The following MSI2 variants were observed in gnomAD, a reference collection of about 807,000 sequenced individuals.
MSI2 encodes the protein RNA-binding protein Musashi homolog 2.
Under a neutral mutation model 45.6 loss-of-function variants are expected in MSI2, and 17 were observed. The ratio of observed to expected loss-of-function variants is 0.37; its 90% CI spans 0.26 to 0.56. MSI2 has a LOEUF of 0.56. Among genes scored for constraint, MSI2 ranks in the 20% least tolerant of loss-of-function variants. MSI2 has a pLI of 0.77. For missense variants in MSI2, 293 were observed against 444.2 expected (o/e 0.66, Z 3.06); for synonymous variants, 156 against 158.2 (o/e 0.99, Z 0.11).
At chr17:57,553,571 C>T (rs1193564490) in intron 7 of MSI2, among the ~76,000 whole-genome samples, 2 of 152,180 alleles carry the variant, frequency 1.3e-5, no homozygotes, top group African/African-American at 2.4e-5. Flanking sequence ...GGGGAGCTTT[C>T]CTGAGCAGCT....
In MSI2 at chr17:57,552,148, C is replaced by G. The variant is rs2087321382; in HGVS notation, c.454+22424C>G. 1.3e-5 allele frequency among the ~76,000 whole-genome samples: 2 copies of G among 152,328 alleles called. No homozygotes were observed. The highest frequency in any genetic ancestry group is 3.9e-4 in the East Asian group (2 of 5,184). On this transcript the variant is annotated intron_variant, in intron 7 of 13. Coordinates refer to ENST00000284073, the MANE Select transcript of MSI2 (RefSeq NM_138962.4). This position sits in a 1 kb window ranked among gnomAD's most constrained non-coding sequence, Gnocchi z 4.3. Reference sequence around the variant, plus strand: ...CCCCAGGACTGGCCACACACCAGGGCTCTGTCCCCCGACTTCCTCACTAGA... The same window carrying G: ...CCCCAGGACTGGCCACACACCAGGGGTCTGTCCCCCGACTTCCTCACTAGA...
In MSI2 at chr17:57,348,090, G is replaced by A. The variant is rs771842268; in HGVS notation, c.313-53289G>A. Reference sequence around the variant, plus strand: ...GCATTAGAAGGGGAGAGAAGGTGACGTGGCTGTAGGAAGACTCTACTCTGC... The same window carrying A: ...GCATTAGAAGGGGAGAGAAGGTGACATGGCTGTAGGAAGACTCTACTCTGC... On this transcript the variant is annotated intron_variant, in intron 5 of 13. Coordinates refer to ENST00000284073, the MANE Select transcript of MSI2 (RefSeq NM_138962.4). Among the ~76,000 whole-genome samples the A allele has an allele frequency of 9.2e-5, 14 of 152,342 alleles. No individual in the cohort carries two copies. The East Asian group carries it at 1.2e-3, about 13-fold the overall frequency.
intron 6 of MSI2, chr17:57,449,551 C>G (rs572447380): frequency 6.6e-6 from 1 of 152,060 alleles, no homozygotes; most frequent in Non-Finnish European, 1.5e-5. Context: ...AAGGCTTGAT[C>G]GTAGACACAT....
intron 6 of MSI2, among the ~76,000 whole-genome samples, chr17:57,436,863 G>C (rs2084700237): frequency 6.6e-6 from 1 of 152,136 alleles, no homozygotes; most frequent in African/African-American, 2.4e-5. Context: ...ACAGTACTCT[G>C]GTTTTAGAGA....
chr17:57,627,949 T>A lies in MSI2; in HGVS notation c.727+646T>A, dbSNP rs1908965492. Reference sequence around the variant, plus strand: ...TGCTCCAGCTCCAACTCCAGGTAGCTGGCAGGCCTGGGACCTCACCTGGGA... The same window carrying A: ...TGCTCCAGCTCCAACTCCAGGTAGCAGGCAGGCCTGGGACCTCACCTGGGA... On this transcript the variant is annotated intron_variant, in intron 10 of 13. Transcript: ENST00000284073. This position sits in a 1 kb window ranked among gnomAD's most constrained non-coding sequence, Gnocchi z 4.6. 1 of 153,160 alleles carries A rather than the reference T, an allele frequency of 6.5e-6. No homozygotes were observed. The allele number at this position is 153,160 out of a possible 1,614,324, so 9.5% of individuals were successfully genotyped here.
intron 6 of MSI2, among the ~76,000 whole-genome samples, chr17:57,441,551 G>T (rs1259772393): frequency 1.3e-5 from 2 of 152,180 alleles, no homozygotes; most frequent in African/African-American, 4.8e-5. Flanking sequence ...CAATAATGTT[G>T]TAAATCTCTG....
rs55688182 is a variant in MSI2 at position 57,396,413 on chromosome 17, C to CCACACACACACA, written c.313-4955_313-4944dup. On this transcript the variant is annotated intron_variant, in intron 5 of 13. Coordinates refer to ENST00000284073, the MANE Select transcript of MSI2 (RefSeq NM_138962.4). ...ACACAAAACACACACAGCACACACA[C>CCACACACACACA]CACACACACACACACACACACATCC... is the stretch of plus-strand genomic sequence containing the variant. 3.6e-3 allele frequency among the ~76,000 whole-genome samples: 540 copies of CCACACACACACA among 150,180 alleles called. 3 individuals are homozygous for CCACACACACACA. The highest frequency in any genetic ancestry group is 0.013 in the African/African-American group (514 of 40,946).
chr17:57,318,514 G>A (rs754435042), intron 5 of MSI2, among the ~76,000 whole-genome samples: 4 of 152,050 alleles, frequency 2.6e-5, no homozygotes, highest in Non-Finnish European at 4.4e-5. Context: ...TATCACAGAG[G>A]ACTGGGAATG....
In MSI2 at chr17:57,317,506, C is replaced by CTTT. The variant is rs921448429; in HGVS notation, c.312+55334_312+55336dup. 5.7e-3 allele frequency among the ~76,000 whole-genome samples: 536 copies of CTTT among 94,532 alleles called. 1 individual carries two copies. Among genetic ancestry groups the CTTT allele is most frequent in the Non-Finnish European group, 8.4e-3 (418 of 49,484 alleles). The allele number at this position is 94,532 out of a possible 152,430, so 62.0% of individuals were successfully genotyped here. ...CACTCTATCCCATGTTATAGTTTTG[C>CTTT]TTTTTTTTTTTTTTTTTTTTTTGAG... is the stretch of plus-strand genomic sequence containing the variant. On this transcript the variant is annotated intron_variant, in intron 5 of 13. Transcript: ENST00000284073.
intron 7 of MSI2, among the ~76,000 whole-genome samples, chr17:57,546,817 G>A (rs1051508940): frequency 6.6e-6 from 1 of 152,198 alleles, no homozygotes; most frequent in Non-Finnish European, 1.5e-5. Flanking sequence ...TCATGCTCTT[G>A]TCCCACGGCC....
At chr17:57,283,254 C>G (rs1909582112) in intron 5 of MSI2, among the ~76,000 whole-genome samples, 1 of 152,114 alleles carries the variant, frequency 6.6e-6, no homozygotes, top group Non-Finnish European at 1.5e-5. Context: ...CGTAAAGTCT[C>G]TGGAGTGAGT....
intron 6 of MSI2, among the ~76,000 whole-genome samples, chr17:57,470,350 T>TTAC (rs1310612308): frequency 6.6e-6 from 1 of 152,194 alleles, no homozygotes; most frequent in East Asian, 1.9e-4. Flanking sequence ...TGATCTCAGC[T>TTAC]TACTGCAGCC....
At chr17:57,607,336 C>T (rs190883369) in intron 8 of MSI2, among the ~76,000 whole-genome samples, 2 of 152,340 alleles carry the variant, frequency 1.3e-5, no homozygotes, top group Admixed American at 6.5e-5. Context: ...TTATAACATG[C>T]ATGTGTCCTG....
At chr17:57,395,546 G>A (rs1279789927) in intron 5 of MSI2, among the ~76,000 whole-genome samples, 5 of 152,150 alleles carry the variant, frequency 3.3e-5, no homozygotes, top group African/African-American at 1.2e-4. Flanking sequence ...ATTGGCAGTT[G>A]TGAGGGTGAG....
chr17:57,321,256 G>A (rs746804174), intron 5 of MSI2, among the ~76,000 whole-genome samples: 5 of 151,854 alleles, frequency 3.3e-5, no homozygotes, highest in East Asian at 1.9e-4. Context: ...TCTCCCGCCC[G>A]CGGCTTCCAG....
intron 6 of MSI2, among the ~76,000 whole-genome samples, chr17:57,430,323 T>G (rs2084571106): frequency 6.6e-6 from 1 of 152,234 alleles, no homozygotes; most frequent in Non-Finnish European, 1.5e-5. Context: ...ATAAACATTT[T>G]TTTTTTCCAG....
intron 6 of MSI2, among the ~76,000 whole-genome samples, chr17:57,519,361 T>TTCCTA (rs1185904374): frequency 6.6e-6 from 1 of 152,134 alleles, no homozygotes; most frequent in Non-Finnish European, 1.5e-5. Flanking sequence ...GCTCACTGGC[T>TTCCTA]ACCACATGAG....
chr17:57,605,181 T>G (rs1906408944), intron 8 of MSI2, among the ~76,000 whole-genome samples: 1 of 152,154 alleles, frequency 6.6e-6, no homozygotes, highest in African/African-American at 2.4e-5. Flanking sequence ...GGTGTTTACG[T>G]GGGAGAGGGA....
intron 6 of MSI2, among the ~76,000 whole-genome samples, chr17:57,457,329 G>A (rs2085135325): frequency 6.6e-6 from 1 of 152,150 alleles, no homozygotes; most frequent in African/African-American, 2.4e-5. Flanking sequence ...AGAGGTGTTA[G>A]GAGATGCAAG....
Sources: allele counts gnomAD v4.1 joint callset (sites outside exome capture counted in the v4.1 genomes callset), GRCh38; gene constraint gnomAD v4.1.1; non-coding constraint Gnocchi (gnomAD v3.1); transcripts MANE v1.5; gene names NCBI Gene and HGNC (gene_info 2026-07-23, HGNC 2026-07-21).